Variants in POLR1A observed in about 807,000 individuals in gnomAD.
POLR1A encodes RNA polymerase I subunit A.
In POLR1A, 84 loss-of-function variants were observed where a neutral mutation model predicts 205.3. That is an observed-to-expected ratio of 0.41 (90% CI 0.34 to 0.49). The LOEUF (loss-of-function observed/expected upper bound fraction) is 0.49. POLR1A is among the 20% of genes least tolerant of loss of function. The pLI is 0.22. For synonymous variants in POLR1A, 799 were observed against 863.7 expected, an observed-to-expected ratio of 0.93 and a Z score of 1.31; for missense variants, 1,645 against 2,204.5, an observed-to-expected ratio of 0.75 and a Z score of 5.08.
At chr2:86,065,579 T>G (rs1213217368) in intron 13 of POLR1A, 114 bp from the exon 14 acceptor site, 3 of 817,156 alleles carry the variant, frequency 3.7e-6, no homozygotes, top group Non-Finnish European at 5.8e-6. Context: ...CTTATATCCC[T>G]GTCTTGTCTT....
intron 3 of POLR1A, 121 bp downstream of exon 3, chr2:86,098,490 G>T (rs950441426): frequency 5.3e-6 from 5 of 938,474 alleles, no homozygotes; most frequent in Non-Finnish European, 6.6e-6. Flanking sequence ...CCAGTTATAA[G>T]ATATAAAGAT....
At position 86,044,142 on chromosome 2, in the gene POLR1A, G is replaced by A. The variant is rs752983080; in HGVS notation, c.3132C>T (p.Tyr1044=). The change falls in exon 22 of 34, where the codon TAC becomes TAT. Residue 1044 remains tyrosine (Y), a synonymous_variant. Coordinates refer to ENST00000263857, the MANE Select transcript of POLR1A (RefSeq NM_015425.6). ...GCTCCGGGATCTAGCACACTACCTC[G>A]TAGTTGCTGGCCAGGAAGGGGAACT... ...PKQFPFLASN[Y]EVIMKSQHLH... 5.0e-6 allele frequency: 8 copies of A among 1,613,946 alleles called. No homozygotes were observed. Among genetic ancestry groups the A allele is most frequent in the East Asian group, 2.2e-5 (1 of 44,888 alleles).
Position 86,025,000 on chromosome 2 carries a change from G to A in POLR1A, c.*2423C>T, listed in dbSNP as rs1319194716. ...AAAAATACAAAAATTAGCCAGGCGT[G>A]GTGGCGCATGCCTGTAATCTCAGCT... On this transcript the variant is annotated 3_prime_UTR_variant, in exon 34 of 34. Transcript: ENST00000263857. The A allele has an allele frequency of 6.6e-6, 1 of 152,174 alleles. No homozygotes were observed. Among genetic ancestry groups the A allele is most frequent in the East Asian group, 1.9e-4 (1 of 5,192 alleles). The allele number at this position is 152,174 out of a possible 1,614,324, so 9.4% of individuals were successfully genotyped here. A position where few individuals can be genotyped will look rare whatever the true frequency, so the allele number is the denominator to read the frequency against.
intron 13 of POLR1A, among the ~76,000 whole-genome samples, chr2:86,067,914 CA>C (rs1673109804): frequency 6.6e-6 from 1 of 152,132 alleles, no homozygotes; most frequent in African/African-American, 2.4e-5. Flanking sequence ...ATCTTCAAGC[CA>C]TCTCCCATAA....
intron 6 of POLR1A, among the ~76,000 whole-genome samples, 179 bp downstream of exon 6, chr2:86,088,387 G>A (rs1040125959): frequency 2.0e-5 from 3 of 152,230 alleles, no homozygotes; most frequent in African/African-American, 7.2e-5. Flanking sequence ...CATGTGAGAG[G>A]CCTGAGCTGG....
intron 17 of POLR1A, 41 bp from the exon 18 acceptor site, chr2:86,049,083 C>T (rs762771117): frequency 5.8e-5 from 94 of 1,613,604 alleles, no homozygotes; most frequent in Middle Eastern, 1.6e-4. Flanking sequence ...TGAGGCCAAA[C>T]GACGAGAGTG....
chr2:86,094,228 C>T (rs1490366026), intron 3 of POLR1A, among the ~76,000 whole-genome samples: 1 of 152,128 alleles, frequency 6.6e-6, no homozygotes, highest in African/African-American at 2.4e-5. Flanking sequence ...TTTGAAAGTG[C>T]GTTAGTAGCC....
At chr2:86,056,280 C>T (rs998759215) in intron 14 of POLR1A, among the ~76,000 whole-genome samples, 1 of 151,612 alleles carries the variant, frequency 6.6e-6, no homozygotes, top group Non-Finnish European at 1.5e-5. Flanking sequence ...GGTGAAATCC[C>T]GTCTCTACTA....
chr2:86,052,332 A>T (rs1021903652), intron 16 of POLR1A, among the ~76,000 whole-genome samples: 1 of 152,128 alleles, frequency 6.6e-6, no homozygotes, highest in African/African-American at 2.4e-5. Flanking sequence ...TGTAGCAGGG[A>T]ATGGGGTTGT....
intron 12 of POLR1A, among the ~76,000 whole-genome samples, chr2:86,073,963 G>A (rs966861841): frequency 1.3e-5 from 2 of 152,190 alleles, no homozygotes; most frequent in African/African-American, 2.4e-5. Flanking sequence ...CCGATTCTAC[G>A]AACCTGAATA....
intron 11 of POLR1A, among the ~76,000 whole-genome samples, chr2:86,077,300 G>C (rs1001022169): frequency 2.0e-5 from 3 of 152,170 alleles, no homozygotes; most frequent in African/African-American, 7.2e-5. Flanking sequence ...GGGGGTCGGG[G>C]GGAGAGCACT....
In POLR1A at chr2:86,040,475, G is replaced by A. The variant is rs777309759; in HGVS notation, c.3657C>T (p.Ile1219=). 3.7e-5 allele frequency: 60 copies of A among 1,613,382 alleles called. No individual in the cohort carries two copies. The East Asian group carries it at 1.1e-3, about 31-fold the overall frequency. The change falls in exon 25 of 34, where the codon ATC becomes ATT. Residue 1219 remains isoleucine (I), a synonymous_variant. Coordinates refer to ENST00000263857, the MANE Select transcript of POLR1A (RefSeq NM_015425.6). ...EAVGLLAAQS[I]GEPSTQMTLN... is the part of the protein sequence containing the mutation. ...GGGTCATCTGGGTGGAGGGCTCTCC[G>A]ATGCTCTGGGCAGCCAGCAGGCCCA...
rs755421419 is a variant in POLR1A, at chr2:86,028,063, G to A, written c.4898-14C>T. ...CGACCGCGATGCCTGTCAAACGGGA[G>A]GTAAAATTAGGAGGGATTAAGCAGT... On this transcript the variant is annotated splice_polypyrimidine_tract_variant and intron_variant, in intron 32 of 33. Transcript: ENST00000263857. The surrounding 1 kb of genome is among the most constrained non-coding windows in gnomAD (Gnocchi z 4.5). 3.7e-6 allele frequency: 6 copies of A among 1,613,950 alleles called. No individual in the cohort carries two copies. Among genetic ancestry groups the A allele is most frequent in the Non-Finnish European group, 5.1e-6 (6 of 1,179,856 alleles).
At chr2:86,081,948 C>T (rs1200248426) in intron 7 of POLR1A, among the ~76,000 whole-genome samples, 2 of 152,304 alleles carry the variant, frequency 1.3e-5, no homozygotes, top group East Asian at 1.9e-4. Context: ...CCTGCCACCT[C>T]AGCCTTCCAA....
At position 86,065,344 on chromosome 2, in the gene POLR1A, T is replaced by C; in HGVS notation, c.1988A>G (p.Asp663Gly). ...AAGGAGCTTCACGCGCCCCACTTTGTCCGTGAGTCCTCGGTACACCAGCTC... is the reference window on the plus strand; with the variant it reads ...AAGGAGCTTCACGCGCCCCACTTTGCCCGTGAGTCCTCGGTACACCAGCTC... ...YMELVYRGLTDKVGRVKLLSP... is the reference protein window; with the variant it reads ...YMELVYRGLTGKVGRVKLLSP... The change falls in exon 14 of 34, where the codon GAC (aspartate) becomes GGC (glycine). Residue 663 changes from aspartate (D) to glycine (G), a missense_variant. Asp to Gly is a moderately conservative substitution (Grantham distance 94). Around this residue, in one of 16 missense-constraint regions of POLR1A, gnomAD observed 339 missense variants for 415.1 expected, o/e 0.82. Transcript: ENST00000263857. 6.2e-7 allele frequency: 1 copy of C among 1,614,152 alleles called. No individual in the cohort carries two copies. Among genetic ancestry groups the C allele is most frequent in the Non-Finnish European group, 8.5e-7 (1 of 1,180,020 alleles).
In POLR1A at chr2:86,067,249, T is replaced by C. The variant is rs13021873; in HGVS notation, c.1867-1784A>G. Among the ~76,000 whole-genome samples, 842 of 152,338 alleles carry C rather than the reference T, an allele frequency of 5.5e-3. 5 individuals carry two copies. The highest frequency in any genetic ancestry group is 7.4e-3 in the Non-Finnish European group (500 of 68,022). On this transcript the variant is annotated intron_variant, in intron 13 of 33. Coordinates refer to ENST00000263857, the MANE Select transcript of POLR1A (RefSeq NM_015425.6). ...ACCTCTGAATCAAAACCCCAGACAA[T>C]TGTCAGCTTTACTATTCTCCTTAAT...
rs374930476 is a variant in POLR1A, at chr2:86,070,123, G to A, written c.1761C>T (p.Ala587=). Residue 587 remains alanine (A), a synonymous_variant, in exon 13 of 34, where the codon GCC becomes GCT. Transcript: ENST00000263857. This position sits in a 1 kb window ranked among gnomAD's most constrained non-coding sequence, Gnocchi z 4.4. The part of the protein sequence containing the change: ...LHYANCKAYN[A]DFDGDEMNAH... ...CATTCATCTCGTCTCCATCAAAGTC[G>A]GCATTATAGGCCTTGCAGTTGGCAT... 231 of 1,614,086 alleles carry A rather than the reference G, an allele frequency of 1.4e-4. No homozygotes were observed. Among genetic ancestry groups the A allele is most frequent in the Non-Finnish European group, 1.7e-4 (198 of 1,180,042 alleles).
At position 86,042,357 on chromosome 2, in the gene POLR1A, C is replaced by A. The variant is rs1488596833; in HGVS notation, c.3358-254G>T. Among the ~76,000 whole-genome samples the A allele has an allele frequency of 2.6e-5, 4 of 152,312 alleles. No individual in the cohort carries two copies. The East Asian group carries it at 7.7e-4, about 29-fold the overall frequency. ...GCAAGCATGTAATTTACTGAGCAAA[C>A]TGGGCTTCTTTTAGAGTGAAACAGG... On this transcript the variant is annotated intron_variant, in intron 23 of 33. Coordinates refer to ENST00000263857, the MANE Select transcript of POLR1A (RefSeq NM_015425.6).
chr2:86,032,229 G>A (rs767703837), intron 29 of POLR1A, 43 bp downstream of exon 29: 3 of 1,315,398 alleles, frequency 2.3e-6, no homozygotes, highest in African/African-American at 2.9e-5. Context: ...ACAGGGAAGG[G>A]GGCTGGGACC....
Sources: allele counts gnomAD v4.1 joint callset (sites outside exome capture counted in the v4.1 genomes callset), GRCh38; gene constraint gnomAD v4.1.1; regional missense constraint gnomAD v4.1.1; non-coding constraint Gnocchi (gnomAD v3.1); transcripts MANE v1.5; gene names NCBI Gene and HGNC (gene_info 2026-07-23, HGNC 2026-07-21).